The following TMEM132D variants were observed in gnomAD, a reference collection of about 807,000 sequenced individuals.
TMEM132D encodes transmembrane protein 132D.
In TMEM132D, 21 loss-of-function variants were observed where a neutral mutation model predicts 62.3. That is an observed-to-expected ratio of 0.34 (90% CI 0.24 to 0.49). TMEM132D has a LOEUF of 0.49. Ranked by LOEUF, TMEM132D falls within the 20% of genes least tolerant of loss-of-function variation. TMEM132D has a pLI of 0.99. For missense variants in TMEM132D, 1,346 were observed against 1,402.8 expected, an observed-to-expected ratio of 0.96 and a Z score of 0.65; for synonymous variants, 621 against 575.6, an observed-to-expected ratio of 1.08 and a Z score of -1.13.
intron 2 of TMEM132D, among the ~76,000 whole-genome samples, chr12:129,659,246 A>C (rs1245715115): frequency 6.6e-6 from 1 of 152,152 alleles, no homozygotes; most frequent in South Asian, 2.1e-4. Flanking sequence ...CTGACACAAC[A>C]AATTGTCAAG....
At chr12:129,676,470 C>T (rs755250491) in intron 2 of TMEM132D, among the ~76,000 whole-genome samples, 5 of 152,182 alleles carry the variant, frequency 3.3e-5, no homozygotes, top group Non-Finnish European at 5.9e-5. Context: ...ATTTGGCTCA[C>T]GGTTCTGCAG....
intron 4 of TMEM132D, among the ~76,000 whole-genome samples, chr12:129,287,322 G>A (rs1430184269): frequency 1.3e-5 from 2 of 152,150 alleles, no homozygotes; most frequent in East Asian, 3.9e-4. Context: ...GCACAGAATT[G>A]AAAATGTAAA....
At chr12:129,615,604 C>CA (rs1168313195) in intron 2 of TMEM132D, among the ~76,000 whole-genome samples, 1 of 141,882 alleles carries the variant, frequency 7.0e-6, no homozygotes, top group African/African-American at 2.6e-5. Flanking sequence ...AAAAAAAGAA[C>CA]AAAAAAACTA....
intron 4 of TMEM132D, among the ~76,000 whole-genome samples, chr12:129,252,106 T>A (rs1483442084): frequency 1.3e-5 from 2 of 152,204 alleles, no homozygotes; most frequent in Non-Finnish European, 2.9e-5. Context: ...TGTTCAATAA[T>A]AATTTGTGTA....
intron 2 of TMEM132D, among the ~76,000 whole-genome samples, chr12:129,553,135 C>T (rs1046439599): frequency 5.3e-5 from 8 of 152,136 alleles, no homozygotes; most frequent in Non-Finnish European, 7.4e-5. Flanking sequence ...GAGAGTGTTG[C>T]GCGTTTGCTC....
intron 2 of TMEM132D, among the ~76,000 whole-genome samples, chr12:129,564,005 G>A (rs537773042): frequency 1.3e-5 from 2 of 152,084 alleles, no homozygotes; most frequent in African/African-American, 2.4e-5. Context: ...TTCTGAAGAT[G>A]GGCAACAGCT....
intron 5 of TMEM132D, among the ~76,000 whole-genome samples, chr12:129,089,868 G>A (rs1013708810): frequency 7.2e-5 from 11 of 152,248 alleles, no homozygotes; most frequent in Admixed American, 5.2e-4. Context: ...CCAAGTGGGC[G>A]CCTGTGGCCT....
intron 1 of TMEM132D, among the ~76,000 whole-genome samples, chr12:129,859,864 C>G (rs980520183): frequency 6.6e-6 from 1 of 152,084 alleles, no homozygotes; most frequent in African/African-American, 2.4e-5. Flanking sequence ...GTGATCAGAC[C>G]GAGCCACTAC....
intron 3 of TMEM132D, among the ~76,000 whole-genome samples, chr12:129,438,335 G>GT (rs1217772603): frequency 1.3e-5 from 2 of 152,156 alleles, no homozygotes; most frequent in Non-Finnish European, 2.9e-5. Flanking sequence ...GCAGAGACAA[G>GT]TTATGCATAA....
intron 3 of TMEM132D, among the ~76,000 whole-genome samples, chr12:129,462,096 A>G (rs1263636303): frequency 6.6e-6 from 1 of 152,240 alleles, no homozygotes; most frequent in African/African-American, 2.4e-5. Context: ...AGAAAAACCC[A>G]GGCTTTTCTA....
At chr12:129,792,853 A>C (rs1871441478) in intron 1 of TMEM132D, among the ~76,000 whole-genome samples, 1 of 152,124 alleles carries the variant, frequency 6.6e-6, no homozygotes, top group Non-Finnish European at 1.5e-5. Context: ...TAACTATTGA[A>C]TTTCCATTTA....
chr12:129,285,850 C>T (rs1392669561), intron 4 of TMEM132D, among the ~76,000 whole-genome samples: 1 of 152,160 alleles, frequency 6.6e-6, no homozygotes, highest in Non-Finnish European at 1.5e-5. Context: ...CCACTTCCCC[C>T]ATCAGTCCAT....
chr12:129,241,661 A>G (rs777905952), intron 4 of TMEM132D, among the ~76,000 whole-genome samples: 1 of 152,200 alleles, frequency 6.6e-6, no homozygotes, highest in Non-Finnish European at 1.5e-5. Flanking sequence ...TTCTGGTTTT[A>G]TATCTCTCCT....
intron 2 of TMEM132D, among the ~76,000 whole-genome samples, chr12:129,536,713 A>T (rs1355013677): frequency 6.6e-6 from 1 of 152,118 alleles, no homozygotes; most frequent in African/African-American, 2.4e-5. Flanking sequence ...CTATTACTGG[A>T]ATATATTTGC....
Position 129,867,592 on chromosome 12 carries a change from T to C in TMEM132D, c.79+35669A>G, listed in dbSNP as rs1874099406. On this transcript the variant is annotated intron_variant, in intron 1 of 8. Transcript: ENST00000422113. The surrounding 1 kb of genome is among the most constrained non-coding windows in gnomAD (Gnocchi z 4.5). ...TGAAATGTACTGAGAGGATAAATCT[T>C]CAGTGTTTTCCTCATAAAAAGAGAA... Among the ~76,000 whole-genome samples the C allele has an allele frequency of 6.6e-6, 1 of 152,192 alleles. No homozygotes were observed. Among genetic ancestry groups the C allele is most frequent in the African/African-American group, 2.4e-5 (1 of 41,442 alleles).
At chr12:129,465,350 G>T (rs1164345103) in intron 3 of TMEM132D, among the ~76,000 whole-genome samples, 2 of 152,126 alleles carry the variant, frequency 1.3e-5, no homozygotes, top group African/African-American at 4.8e-5. Context: ...ATATTGAATG[G>T]ACAAAAACTG....
chr12:129,492,080 C>T (rs1874812469), intron 3 of TMEM132D, among the ~76,000 whole-genome samples: 1 of 152,168 alleles, frequency 6.6e-6, no homozygotes, highest in South Asian at 2.1e-4. Flanking sequence ...TGTTCCTTAC[C>T]TAAGAATTTG....
chr12:129,711,237 T>C (rs750509778), intron 1 of TMEM132D, among the ~76,000 whole-genome samples: 16 of 152,240 alleles, frequency 1.1e-4, no homozygotes, highest in Non-Finnish European at 2.4e-4. Context: ...TGTTCCGGTA[T>C]CACATGCCAA....
chr12:129,394,112 C>A (rs557579218), intron 3 of TMEM132D, among the ~76,000 whole-genome samples: 2 of 152,146 alleles, frequency 1.3e-5, no homozygotes, highest in African/African-American at 4.8e-5. Context: ...TGGCACGGCA[C>A]GTTTTTCAGC....
Sources: allele counts gnomAD v4.1 joint callset (sites outside exome capture counted in the v4.1 genomes callset), GRCh38; gene constraint gnomAD v4.1.1; non-coding constraint Gnocchi (gnomAD v3.1); transcripts MANE v1.5; gene names NCBI Gene and HGNC (gene_info 2026-07-23, HGNC 2026-07-21).